Variants in NCEH1 observed in about 807,000 individuals in gnomAD.
The protein encoded by NCEH1 is neutral cholesterol ester hydrolase 1, also known as 2-acetyl MAGE hydrolase.
In NCEH1, 9 loss-of-function variants were observed where a neutral mutation model predicts 25.4. That is an observed-to-expected ratio of 0.35 (90% confidence interval 0.21 to 0.62). The LOEUF (loss-of-function observed/expected upper bound fraction) is 0.62. Among genes scored for constraint, NCEH1 ranks in the 20% least tolerant of loss-of-function variants. The probability of loss-of-function intolerance (pLI) is 0.72; values close to 1 mark genes in which losing one functional copy is unlikely to be tolerated. For synonymous variants in NCEH1, 200 were observed against 199.8 expected (o/e 1.00, Z -0.01); for missense variants, 412 against 501.1 (o/e 0.82, Z 1.70).
At chr3:172,653,377 G>T (rs1717504386) in intron 1 of NCEH1, among the ~76,000 whole-genome samples, 1 of 152,196 alleles carries the variant, frequency 6.6e-6, no homozygotes, top group Admixed American at 6.5e-5. Flanking sequence ...TATGGGGTTG[G>T]TCTCTGTTGA....
chr3:172,682,323 T>G (rs959558382), intron 1 of NCEH1, among the ~76,000 whole-genome samples: 1 of 152,236 alleles, frequency 6.6e-6, no homozygotes, highest in Non-Finnish European at 1.5e-5. Flanking sequence ...CTGTTTACTG[T>G]AAATCCTGCC....
At chr3:172,708,041 G>C (rs1384110813) in intron 1 of NCEH1, among the ~76,000 whole-genome samples, 1 of 152,196 alleles carries the variant, frequency 6.6e-6, no homozygotes, top group Non-Finnish European at 1.5e-5. Flanking sequence ...TGTTTGAGAG[G>C]AGTCAGAGAG....
chr3:172,662,180 G>A (rs562520281), intron 1 of NCEH1, among the ~76,000 whole-genome samples: 3 of 152,236 alleles, frequency 2.0e-5, no homozygotes, highest in African/African-American at 7.2e-5. Context: ...TAGCATGAAG[G>A]CTGTTGAATT....
intron 2 of NCEH1, 59 bp from the exon 3 acceptor site, chr3:172,645,751 T>C: frequency 1.0e-6 from 1 of 994,930 alleles, no homozygotes; most frequent in Admixed American, 2.4e-5. Context: ...TGTCCACTCA[T>C]AAATTCTGCT....
intron 1 of NCEH1, among the ~76,000 whole-genome samples, chr3:172,697,583 T>C (rs535148612): frequency 2.6e-5 from 4 of 152,334 alleles, no homozygotes; most frequent in African/African-American, 7.2e-5. Flanking sequence ...GGACTAAAAT[T>C]TGTAAATACA....
In NCEH1 at chr3:172,633,980, G is replaced by A. The variant is rs1459186499; in HGVS notation, c.722C>T (p.Pro241Leu). The A allele has an allele frequency of 4.3e-6, 7 of 1,614,180 alleles. No homozygotes were observed. The highest frequency in any genetic ancestry group is 5.9e-6 in the Non-Finnish European group (7 of 1,180,018). The change falls in exon 5 of 5, where the codon CCA becomes CTA. Residue 241 changes from proline (P) to leucine (L), a missense_variant. By Grantham distance (98) the Pro-to-Leu change is moderately conservative. Around this residue, in one of 3 missense-constraint regions of NCEH1, gnomAD observed 210 missense variants for 258.2 expected, o/e 0.81. Transcript: ENST00000475381. ...TPSYQQNVNT[P>L]ILPRYVMVKY... The stretch of plus-strand genomic sequence containing the variant: ...CACCATGACATAGCGGGGCAGGATT[G>A]GGGTGTTCACATTTTGCTGATAAGA...
chr3:172,684,336 G>A (rs1712569332), intron 1 of NCEH1, among the ~76,000 whole-genome samples: 1 of 152,156 alleles, frequency 6.6e-6, no homozygotes, highest in African/African-American at 2.4e-5. Flanking sequence ...ACATGCATTA[G>A]TATGTCTTAG....
At chr3:172,651,904 G>A (rs1346632982) in intron 1 of NCEH1, among the ~76,000 whole-genome samples, 1 of 152,148 alleles carries the variant, frequency 6.6e-6, no homozygotes, top group Non-Finnish European at 1.5e-5. Context: ...ATTACATGAC[G>A]AATAAGAAGT....
intron 1 of NCEH1, among the ~76,000 whole-genome samples, chr3:172,671,226 T>C (rs1711602069): frequency 1.3e-5 from 2 of 152,186 alleles, no homozygotes; most frequent in Non-Finnish European, 2.9e-5. Context: ...AATACCATCC[T>C]TCAGAAACCA....
rs562533139 is a variant in NCEH1 at position 172,683,229 on chromosome 3, C to A, written c.138+27618G>T. On this transcript the variant is annotated intron_variant, in intron 1 of 4. Coordinates refer to ENST00000475381, the MANE Select transcript of NCEH1 (RefSeq NM_020792.6). The stretch of plus-strand genomic sequence containing the variant: ...CCATCCCAGCTAAAACGGTGAAACC[C>A]CGTCTCTACTAAAAATACAAAAAAT... Among the ~76,000 whole-genome samples the A allele has an allele frequency of 2.2e-5, 2 of 92,746 alleles. 1 individual carries two copies. The highest frequency in any genetic ancestry group is 7.7e-4 in the South Asian group (2 of 2,596). 60.8% of individuals were successfully genotyped at this position (92,746 alleles called of 152,430 possible).
At chr3:172,693,783 G>A (rs1713208733) in intron 1 of NCEH1, among the ~76,000 whole-genome samples, 3 of 152,178 alleles carry the variant, frequency 2.0e-5, no homozygotes, top group Admixed American at 1.3e-4. Context: ...CACGTTATTG[G>A]TTTTGGTCAG....
intron 3 of NCEH1, among the ~76,000 whole-genome samples, chr3:172,639,924 T>C (rs900066540): frequency 1.3e-5 from 2 of 152,228 alleles, no homozygotes; most frequent in African/African-American, 4.8e-5. Flanking sequence ...AATGTGAGGT[T>C]GAAGGAAAAT....
intron 1 of NCEH1, among the ~76,000 whole-genome samples, chr3:172,673,167 T>C (rs776579209): frequency 6.6e-6 from 1 of 152,198 alleles, no homozygotes; most frequent in Non-Finnish European, 1.5e-5. Context: ...AAAACTCTAA[T>C]CCAATATTTT....
intron 1 of NCEH1, among the ~76,000 whole-genome samples, chr3:172,671,597 A>C (rs1458937295): frequency 6.6e-6 from 1 of 152,134 alleles, no homozygotes; most frequent in African/African-American, 2.4e-5. Context: ...GTGTGTATAT[A>C]TATTTACACA....
chr3:172,688,652 G>A, intron 1 of NCEH1, among the ~76,000 whole-genome samples: 1 of 152,136 alleles, frequency 6.6e-6, no homozygotes. Context: ...ATGAAAGAAA[G>A]TCCAAGTGGC....
intron 1 of NCEH1, among the ~76,000 whole-genome samples, chr3:172,688,164 G>C (rs564967503): frequency 6.6e-6 from 1 of 151,770 alleles, no homozygotes; most frequent in Non-Finnish European, 1.5e-5. Flanking sequence ...GTGAAACCCC[G>C]TCTCTACTAA....
rs1560186482 is a variant in NCEH1, at chr3:172,653,751, TGTTTTTTTG to T, written c.139-5646_139-5638del. The stretch of plus-strand genomic sequence containing the variant: ...TGTTGTTCTGTTTTTTTTGTTTTTT[TGTTTTTTTG>T]TTTTTTTTTTTTTTTGAGACAGAGT... On this transcript the variant is annotated intron_variant, in intron 1 of 4. Transcript: ENST00000475381. Among the ~76,000 whole-genome samples the T allele has an allele frequency of 4.7e-4, 38 of 81,642 alleles. 1 individual carries two copies. The highest frequency in any genetic ancestry group is 2.3e-3 in the African/African-American group (37 of 16,202). 53.6% of individuals were successfully genotyped at this position (81,642 alleles called of 152,430 possible). A position where few individuals can be genotyped will look rare whatever the true frequency, so the allele number is the denominator to read the frequency against.
intron 1 of NCEH1, among the ~76,000 whole-genome samples, chr3:172,695,123 A>G (rs1045725775): frequency 1.3e-5 from 2 of 152,224 alleles, no homozygotes; most frequent in Non-Finnish European, 2.9e-5. Context: ...AGTCAAAGTC[A>G]TCTTTTCCAT....
At chr3:172,680,365 A>G (rs1278107357) in intron 1 of NCEH1, among the ~76,000 whole-genome samples, 2 of 152,048 alleles carry the variant, frequency 1.3e-5, no homozygotes, top group Non-Finnish European at 2.9e-5. Flanking sequence ...CTCCTCCTCA[A>G]ACTTCAAGAC....
Sources: allele counts gnomAD v4.1 joint callset (sites outside exome capture counted in the v4.1 genomes callset), GRCh38; gene constraint gnomAD v4.1.1; regional missense constraint gnomAD v4.1.1; transcripts MANE v1.5; gene names NCBI Gene and HGNC (gene_info 2026-07-23, HGNC 2026-07-21).